XKR6: variants seen among roughly 807,000 people sequenced by gnomAD.
The protein encoded by XKR6 is XK related 6.
Under a neutral mutation model 56.7 loss-of-function variants are expected in XKR6, and 22 were observed. That is an observed-to-expected ratio of 0.39 (90% CI 0.28 to 0.55). The LOEUF is 0.55. XKR6 is among the 20% of genes least tolerant of loss of function. The pLI is 0.66. For missense variants in XKR6, 852 were observed against 889.0 expected, an observed-to-expected ratio of 0.96 and a Z score of 0.53; for synonymous variants, 524 against 387.8, an observed-to-expected ratio of 1.35 and a Z score of -4.13.
chr8:11,073,424 G>C (rs1800185297), intron 1 of XKR6, among the ~76,000 whole-genome samples: 1 of 152,184 alleles, frequency 6.6e-6, no homozygotes, highest in South Asian at 2.1e-4. Flanking sequence ...ACCTGTATAT[G>C]AAGGACTGGC....
chr8:11,108,037 G>T, intron 1 of XKR6: 2 of 326,392 alleles, frequency 6.1e-6, no homozygotes, highest in South Asian at 4.9e-5. Flanking sequence ...TCTCAGCGAG[G>T]CTGTATTTTG....
intron 1 of XKR6, among the ~76,000 whole-genome samples, chr8:11,147,320 A>G (rs1483392877): frequency 6.6e-6 from 1 of 152,178 alleles, no homozygotes; most frequent in East Asian, 1.9e-4. Flanking sequence ...TAAGAAGCCA[A>G]ACAACTCAAA....
chr8:11,029,065 T>G (rs1667510501), intron 1 of XKR6, among the ~76,000 whole-genome samples: 5 of 152,260 alleles, frequency 3.3e-5, no homozygotes, highest in Admixed American at 2.6e-4. Flanking sequence ...AGGACACCAG[T>G]GATGCTGGCT....
intron 1 of XKR6, among the ~76,000 whole-genome samples, chr8:11,185,562 C>T (rs1803231136): frequency 6.6e-6 from 1 of 152,160 alleles, no homozygotes; most frequent in African/African-American, 2.4e-5. Context: ...ATATATTCAA[C>T]AGATGAGAAT....
intron 1 of XKR6, among the ~76,000 whole-genome samples, chr8:11,081,441 C>A (rs1797718406): frequency 6.6e-6 from 1 of 152,210 alleles, no homozygotes; most frequent in Admixed American, 6.5e-5. Flanking sequence ...CAGTTCATCA[C>A]AAATATATTT....
chr8:11,170,842 T>G (rs1222221291), intron 1 of XKR6, among the ~76,000 whole-genome samples: 1 of 152,226 alleles, frequency 6.6e-6, no homozygotes, highest in Admixed American at 6.5e-5. Flanking sequence ...TCCTTTGCTT[T>G]TTAAGTCTTT....
At chr8:11,192,266 C>T (rs1193655454) in intron 1 of XKR6, among the ~76,000 whole-genome samples, 1 of 152,020 alleles carries the variant, frequency 6.6e-6, no homozygotes, top group African/African-American at 2.4e-5. Flanking sequence ...TCAAGCGATT[C>T]TGCTGCCTCA....
chr8:11,172,921 ACT>A (rs1802451572), intron 1 of XKR6, among the ~76,000 whole-genome samples: 1 of 152,190 alleles, frequency 6.6e-6, no homozygotes, highest in Non-Finnish European at 1.5e-5. Context: ...CAGCGGCGAC[ACT>A]GTTTCAAGTT....
Position 11,178,013 on chromosome 8 carries a change from T to A in XKR6, c.764+22563A>T, listed in dbSNP as rs186745141. Among the ~76,000 whole-genome samples the A allele has an allele frequency of 7.2e-4, 110 of 152,244 alleles. 1 individual carries two copies. In the East Asian group the frequency reaches 0.014, roughly 19 times the overall value. The stretch of plus-strand genomic sequence containing the variant: ...CCAAAAAAACGGATCCCATCGCACC[T>A]GGTTTACTAACAGAGGCAGGAGATT... On this transcript the variant is annotated intron_variant, in intron 1 of 2. Transcript: ENST00000416569.
intron 1 of XKR6, among the ~76,000 whole-genome samples, chr8:11,092,790 A>G (rs1306401117): frequency 6.6e-6 from 1 of 152,196 alleles, no homozygotes; most frequent in Non-Finnish European, 1.5e-5. Flanking sequence ...CTGGTCTGCA[A>G]TAATCAATAA....
chr8:11,156,642 G>C (rs1162364275), intron 1 of XKR6, among the ~76,000 whole-genome samples: 1 of 152,134 alleles, frequency 6.6e-6, no homozygotes, highest in African/African-American at 2.4e-5. Context: ...ACATATAGTA[G>C]ACACCCATTA....
chr8:11,125,252 C>G (rs1799716170), intron 1 of XKR6, among the ~76,000 whole-genome samples: 1 of 152,062 alleles, frequency 6.6e-6, no homozygotes, highest in South Asian at 2.1e-4. Context: ...GGCGAGGCAA[C>G]CGCTGCTGCT....
chr8:11,121,107 C>G (rs1379459572), intron 1 of XKR6, among the ~76,000 whole-genome samples: 1 of 152,156 alleles, frequency 6.6e-6, no homozygotes, highest in African/African-American at 2.4e-5. Context: ...TAGGCAATAC[C>G]ACTCAGGACA....
intron 1 of XKR6, among the ~76,000 whole-genome samples, chr8:10,977,648 G>C (rs541577185): frequency 6.7e-6 from 1 of 149,470 alleles, no homozygotes; most frequent in South Asian, 2.3e-4. Flanking sequence ...ACAGATGAGT[G>C]CTAATGTCCC....
intron 1 of XKR6, among the ~76,000 whole-genome samples, chr8:10,975,689 G>A (rs1202711688): frequency 6.6e-6 from 1 of 150,834 alleles, no homozygotes; most frequent in African/African-American, 2.5e-5. Flanking sequence ...CATTACAGCA[G>A]CACTGGCAGG....
At chr8:11,161,725 T>A (rs879853805) in intron 1 of XKR6, among the ~76,000 whole-genome samples, 2 of 152,214 alleles carry the variant, frequency 1.3e-5, no homozygotes, top group African/African-American at 4.8e-5. Flanking sequence ...GTCAATCACT[T>A]TGGAAGCTAT....
chr8:11,173,841 T>C (rs1362292029), intron 1 of XKR6, among the ~76,000 whole-genome samples: 1 of 152,156 alleles, frequency 6.6e-6, no homozygotes, highest in Non-Finnish European at 1.5e-5. Context: ...CACAAGTCAC[T>C]ACTAGAATAA....
In XKR6 at chr8:10,896,793, A is replaced by T. The variant is rs2129106048; in HGVS notation, c.*1159T>A. 1 of 152,384 alleles carries T rather than the reference A, an allele frequency of 6.6e-6. No homozygotes were observed. The highest frequency in any genetic ancestry group is 2.1e-4 in the South Asian group (1 of 4,816). The allele number at this position is 152,384 out of a possible 1,614,324, so 9.4% of individuals were successfully genotyped here. ...TTTTTTTTTAAAAAAGCACAAATGA[A>T]AAATGAAGAATTCTTTCCAGATCAA... On this transcript the variant is annotated 3_prime_UTR_variant, in exon 3 of 3. Transcript: ENST00000416569.
intron 1 of XKR6, among the ~76,000 whole-genome samples, chr8:11,040,807 G>A (rs75247438): frequency 0.027 from 4,041 of 152,200 alleles, 187 homozygotes; most frequent in African/African-American, 0.091. Flanking sequence ...GCATTTGGGG[G>A]ACATTAACAC....
Sources: gnomAD v4.1 joint callset for allele counts (sites outside exome capture counted in the v4.1 genomes callset) on GRCh38, gnomAD v4.1.1 for gene constraint, MANE v1.5 for transcripts, NCBI Gene and HGNC (gene_info 2026-07-23, HGNC 2026-07-21) for gene names.